The following TMCO5A variants were observed in gnomAD, a reference collection of about 807,000 sequenced individuals.
The protein encoded by TMCO5A is transmembrane and coiled-coil domains 5A.
A neutral mutation model predicts 42.3 loss-of-function variants in TMCO5A; 34 were observed. The ratio of observed to expected loss-of-function variants is 0.80; its 90% CI spans 0.61 to 1.07. The LOEUF is 1.07. Among genes scored for constraint, TMCO5A ranks in the 50% least tolerant of loss-of-function variants. TMCO5A has a pLI of 0.00. For missense variants in TMCO5A, 357 were observed against 327.9 expected (o/e 1.09, Z -0.69); for synonymous variants, 131 against 115.6 (o/e 1.13, Z -0.86).
intron 10 of TMCO5A, among the ~76,000 whole-genome samples, chr15:37,944,649 G>T (rs1267092263): frequency 6.6e-6 from 1 of 151,904 alleles, no homozygotes; most frequent in Non-Finnish European, 1.5e-5. Context: ...TGTTCAGGCT[G>T]GTCTTTAACT....
At chr15:37,954,092 T>A (rs1890228246), downstream of TMCO5A, among the ~76,000 whole-genome samples, 1 of 151,358 alleles carries the variant, frequency 6.6e-6, no homozygotes, top group Non-Finnish European at 1.5e-5. Flanking sequence ...AAAGAAAAAA[T>A]CTAAGAGTTA....
At chr15:37,994,263 A>C in the TMCO5A span, among the ~76,000 whole-genome samples, 1 of 152,090 alleles carries the variant, frequency 6.6e-6, no homozygotes, top group African/African-American at 2.4e-5. Context: ...CTCCATTAGC[A>C]GGCTTCCAGA....
the TMCO5A span, among the ~76,000 whole-genome samples, chr15:38,022,195 G>A: frequency 6.6e-6 from 1 of 152,106 alleles, no homozygotes; most frequent in African/African-American, 2.4e-5. Context: ...TGAAAACGAT[G>A]TCCACACAAA....
At chr15:37,956,301 C>T (rs1374334422), downstream of TMCO5A, among the ~76,000 whole-genome samples, 2 of 152,038 alleles carry the variant, frequency 1.3e-5, no homozygotes, top group Admixed American at 1.3e-4. Context: ...ATCAGTGAAT[C>T]CAGGAGGTGG....
the TMCO5A span, among the ~76,000 whole-genome samples, chr15:38,029,938 C>T: frequency 2.0e-5 from 3 of 152,148 alleles, no homozygotes; most frequent in Non-Finnish European, 4.4e-5. Flanking sequence ...TAAGAAATCG[C>T]AGCTGATAAT....
the TMCO5A span, among the ~76,000 whole-genome samples, chr15:38,034,850 G>T: frequency 1.3e-5 from 2 of 152,130 alleles, no homozygotes; most frequent in South Asian, 4.1e-4. Context: ...TCCTCTGGGT[G>T]TGACCCTCCC....
At chr15:38,005,783 C>G in the TMCO5A span, among the ~76,000 whole-genome samples, 1 of 152,084 alleles carries the variant, frequency 6.6e-6, no homozygotes, top group African/African-American at 2.4e-5. Context: ...GAAGGCAAAC[C>G]AGGAGTCTTC....
At chr15:38,029,639 T>C in the TMCO5A span, among the ~76,000 whole-genome samples, 1 of 152,212 alleles carries the variant, frequency 6.6e-6, no homozygotes, top group Admixed American at 6.5e-5. Context: ...TTTTTAAATT[T>C]TGTAGAAGCA....
At chr15:37,942,094 C>A (rs774407288) in intron 8 of TMCO5A, 97 bp from the exon 9 acceptor site, 5 of 1,105,374 alleles carry the variant, frequency 4.5e-6, no homozygotes, top group Admixed American at 2.0e-5. Flanking sequence ...GAATACCAAG[C>A]ATTCATGGTA....
chr15:38,024,342 C>T, the TMCO5A span, among the ~76,000 whole-genome samples: 2 of 152,190 alleles, frequency 1.3e-5, no homozygotes, highest in Non-Finnish European at 2.9e-5. Context: ...GAGAGCAGAA[C>T]TGTCAGGTGT....
the TMCO5A span, among the ~76,000 whole-genome samples, chr15:37,986,214 A>G: frequency 6.6e-6 from 1 of 152,136 alleles, no homozygotes; most frequent in South Asian, 2.1e-4. Context: ...ACAAATAGAA[A>G]TTAAATGAAT....
chr15:38,014,853 TTATATATATATA>T, the TMCO5A span, among the ~76,000 whole-genome samples: 336 of 54,632 alleles, frequency 6.2e-3, 4 homozygotes, highest in African/African-American at 0.011. Context: ...AGGAGAAAGA[TTATATATATATA>T]TATATATATA....
chr15:38,007,697 A>G, the TMCO5A span, among the ~76,000 whole-genome samples: 1 of 152,064 alleles, frequency 6.6e-6, no homozygotes, highest in Admixed American at 6.6e-5. Flanking sequence ...AAATTGTGTT[A>G]GTGAACAAGT....
the TMCO5A span, among the ~76,000 whole-genome samples, chr15:37,981,523 A>G: frequency 6.6e-6 from 1 of 152,194 alleles, no homozygotes; most frequent in Non-Finnish European, 1.5e-5. Flanking sequence ...ATTGCTTTAA[A>G]AAAACCTTTC....
At chr15:37,974,724 T>C in the TMCO5A span, among the ~76,000 whole-genome samples, 1 of 152,118 alleles carries the variant, frequency 6.6e-6, no homozygotes, top group African/African-American at 2.4e-5. Context: ...TTTTGTATGG[T>C]TTTTCACATC....
chr15:38,016,843 A>G, the TMCO5A span, among the ~76,000 whole-genome samples: 5 of 152,164 alleles, frequency 3.3e-5, no homozygotes, highest in Non-Finnish European at 7.4e-5. Context: ...TACTAGTAGG[A>G]GAAAAGAATA....
intron 11 of TMCO5A, among the ~76,000 whole-genome samples, chr15:37,964,791 A>C (rs1890517941): frequency 6.6e-6 from 1 of 152,204 alleles, no homozygotes; most frequent in Non-Finnish European, 1.5e-5. Context: ...AGTTATTCCA[A>C]GTTCATGGAT....
chr15:37,969,897 C>A (rs1160977151), downstream of TMCO5A, among the ~76,000 whole-genome samples: 1 of 152,138 alleles, frequency 6.6e-6, no homozygotes, highest in Non-Finnish European at 1.5e-5. Flanking sequence ...TATATATATA[C>A]CACATTTTAT....
the TMCO5A span, among the ~76,000 whole-genome samples, chr15:37,987,315 A>G: frequency 6.6e-6 from 1 of 151,964 alleles, no homozygotes; most frequent in Non-Finnish European, 1.5e-5. Flanking sequence ...ATACTTTGCA[A>G]ATATTTTCTC....
Sources: gnomAD v4.1 joint callset for allele counts (sites outside exome capture counted in the v4.1 genomes callset) on GRCh38, gnomAD v4.1.1 for gene constraint, MANE v1.5 for transcripts, NCBI Gene and HGNC (gene_info 2026-07-23, HGNC 2026-07-21) for gene names.